The following RIMS1 variants were observed in gnomAD, a reference collection of about 807,000 sequenced individuals.
RIMS1 encodes the protein regulating synaptic membrane exocytosis 1.
A neutral mutation model predicts 214.1 loss-of-function variants in RIMS1; 83 were observed. The ratio of observed to expected loss-of-function variants is 0.39; its 90% confidence interval spans 0.32 to 0.47. The LOEUF (loss-of-function observed/expected upper bound fraction) is 0.47, where lower values mean the gene tolerates loss of function less well. RIMS1 is among the 20% of genes least tolerant of loss of function. The probability of loss-of-function intolerance (pLI) is 0.99; values close to 1 mark genes in which losing one functional copy is unlikely to be tolerated. For synonymous variants in RIMS1, 793 were observed against 786.8 expected (o/e 1.01, Z -0.13); for missense variants, 2,050 against 2,161.8 (o/e 0.95, Z 1.03).
chr6:72,075,723 AAC>A (rs1479403535), intron 2 of RIMS1, among the ~76,000 whole-genome samples: 1 of 152,242 alleles, frequency 6.6e-6, no homozygotes, highest in East Asian at 1.9e-4. Flanking sequence ...GTCTCTAAAT[AAC>A]ACAAAAGTTC....
In RIMS1 at chr6:72,251,063, C is replaced by A. The variant is rs765980473; in HGVS notation, c.2515C>A (p.Gln839Lys). The A allele has an allele frequency of 1.0e-5, 16 of 1,585,972 alleles. No homozygotes were observed. The highest frequency in any genetic ancestry group is 1.2e-5 in the Non-Finnish European group (14 of 1,165,170). ...AACTGTGTGGGACCAACCAAGAGTG[C>A]AAGAAGAAGAAAGTGAATTTCTTGG... ...EITVWDQPRV[Q>K]EEESEFLGEI... Residue 839 changes from glutamine to lysine, a missense_variant, in exon 14 of 34, where the codon CAA (glutamine) becomes AAA (lysine). Around this residue, in one of 6 missense-constraint regions of RIMS1, gnomAD observed 889 missense variants for 885.5 expected, o/e 1.00. Coordinates refer to ENST00000521978, the MANE Select transcript of RIMS1 (RefSeq NM_014989.7).
Position 72,155,988 on chromosome 6 carries a change from G to GA in RIMS1, c.472-23586dup, listed in dbSNP as rs2044390311. 3.5e-5 allele frequency: 9 copies of GA among 257,088 alleles called. 1 individual carries two copies. The highest frequency in any genetic ancestry group is 3.1e-4 in the South Asian group (9 of 29,124). 15.9% of individuals were successfully genotyped at this position (257,088 alleles called of 1,614,324 possible). On this transcript the variant is annotated intron_variant, in intron 4 of 33. Transcript: ENST00000521978. ...GATAACAAGTGTTGGTGAGGATATG[G>GA]AGAAAAAAATAACACTTATACCCTG... is the stretch of plus-strand genomic sequence containing the variant.
rs200375735 is a variant in RIMS1, at chr6:72,194,751, A to T, written c.1678+11602A>T. Among the ~76,000 whole-genome samples the T allele has an allele frequency of 6.6e-5, 10 of 152,294 alleles. No homozygotes were observed. In the East Asian group the frequency reaches 1.9e-3, roughly 29 times the overall value. ...AATACAGTTTAATTCCTTTGAATACACATGCAAAGCACACACACACACTGA... is the reference window on the plus strand; with the variant it reads ...AATACAGTTTAATTCCTTTGAATACTCATGCAAAGCACACACACACACTGA... On this transcript the variant is annotated intron_variant, in intron 6 of 33. Coordinates refer to ENST00000521978, the MANE Select transcript of RIMS1 (RefSeq NM_014989.7).
intron 2 of RIMS1, among the ~76,000 whole-genome samples, chr6:71,983,731 G>A (rs970964527): frequency 5.3e-5 from 8 of 152,116 alleles, no homozygotes; most frequent in Non-Finnish European, 8.8e-5. Context: ...TTTCTGCACA[G>A]ATTTTATGTC....
chr6:71,981,420 A>T (rs1292425195), intron 2 of RIMS1, among the ~76,000 whole-genome samples: 1 of 152,110 alleles, frequency 6.6e-6, no homozygotes, highest in Non-Finnish European at 1.5e-5. Flanking sequence ...CTTCTTGCTC[A>T]ATCTTGGGCT....
intron 22 of RIMS1, among the ~76,000 whole-genome samples, chr6:72,268,170 C>A (rs16882237): frequency 6.6e-6 from 1 of 151,974 alleles, no homozygotes; most frequent in African/African-American, 2.4e-5. Context: ...TTTGTGAACA[C>A]GCCTATGAAG....
intron 29 of RIMS1, among the ~76,000 whole-genome samples, chr6:72,381,094 A>G (rs572522618): frequency 2.0e-5 from 3 of 152,354 alleles, no homozygotes; most frequent in East Asian, 3.9e-4. Context: ...CGAGAGGTCA[A>G]AAGCTCATGA....
intron 1 of RIMS1, among the ~76,000 whole-genome samples, chr6:71,913,692 G>C (rs1039580232): frequency 1.2e-4 from 18 of 151,992 alleles, no homozygotes; most frequent in African/African-American, 4.3e-4. Flanking sequence ...TTAACATATG[G>C]GTTTGTGTCA....
At chr6:71,926,848 TA>T (rs1233152881) in intron 1 of RIMS1, among the ~76,000 whole-genome samples, 1 of 152,164 alleles carries the variant, frequency 6.6e-6, no homozygotes, top group Non-Finnish European at 1.5e-5. Flanking sequence ...AAATACCACC[TA>T]GACCAGCAGA....
At chr6:72,272,786 C>T (rs1236711347) in intron 22 of RIMS1, among the ~76,000 whole-genome samples, 3 of 152,072 alleles carry the variant, frequency 2.0e-5, no homozygotes, top group Non-Finnish European at 4.4e-5. Flanking sequence ...AAAGTTTTAA[C>T]ACAACTGAGT....
At chr6:72,057,081 GT>G (rs1404289898) in intron 2 of RIMS1, among the ~76,000 whole-genome samples, 6 of 152,094 alleles carry the variant, frequency 3.9e-5, no homozygotes, top group Admixed American at 2.6e-4. Context: ...TAATAACTGG[GT>G]GATTAAATAA....
chr6:72,219,388 A>G (rs992408449), intron 6 of RIMS1, among the ~76,000 whole-genome samples: 1 of 152,146 alleles, frequency 6.6e-6, no homozygotes, highest in Non-Finnish European at 1.5e-5. Flanking sequence ...GAAGGGAATC[A>G]TCATAATTAT....
chr6:72,303,459 T>C (rs932104000), intron 26 of RIMS1, among the ~76,000 whole-genome samples: 5 of 151,278 alleles, frequency 3.3e-5, no homozygotes, highest in African/African-American at 1.2e-4. Flanking sequence ...TTATTTTTAA[T>C]ACTAATACTT....
chr6:72,099,223 G>T (rs1315809975), intron 3 of RIMS1, among the ~76,000 whole-genome samples: 1 of 152,204 alleles, frequency 6.6e-6, no homozygotes, highest in Non-Finnish European at 1.5e-5. Context: ...TCTTAAAAAG[G>T]AGAGGGTGTT....
Position 72,024,900 on chromosome 6 carries a change from G to GTTTTTTTTTTTTTTTTTTT in RIMS1, c.245+55842_245+55860dup, listed in dbSNP as rs777214787. Among the ~76,000 whole-genome samples the GTTTTTTTTTTTTTTTTTTT allele has an allele frequency of 3.0e-4, 30 of 98,664 alleles. 1 individual carries two copies. The highest frequency in any genetic ancestry group is 1.1e-3 in the African/African-American group (30 of 26,622). 64.7% of individuals were successfully genotyped at this position (98,664 alleles called of 152,430 possible). ...AACTCAGGATTCTTAAAATCTGTGG[G>GTTTTTTTTTTTTTTTTTTT]TTTTTTTTTTTTTTTTTTTTTTTGA... On this transcript the variant is annotated intron_variant, in intron 2 of 33. Coordinates refer to ENST00000521978, the MANE Select transcript of RIMS1 (RefSeq NM_014989.7).
intron 4 of RIMS1, among the ~76,000 whole-genome samples, chr6:72,171,343 A>C (rs2046996935): frequency 7.9e-6 from 1 of 126,098 alleles, no homozygotes; most frequent in South Asian, 2.6e-4. Context: ...ATAAATATAT[A>C]TTACGTGTGT....
chr6:72,282,093 A>G (rs2090392947), intron 23 of RIMS1, among the ~76,000 whole-genome samples: 1 of 151,996 alleles, frequency 6.6e-6, no homozygotes, highest in South Asian at 2.1e-4. Flanking sequence ...GTCTTCCTGA[A>G]TCTCTCCACT....
intron 15 of RIMS1, among the ~76,000 whole-genome samples, chr6:72,252,226 A>G (rs554074273): frequency 6.6e-6 from 1 of 152,306 alleles, no homozygotes; most frequent in East Asian, 1.9e-4. Context: ...ATAATTAAAT[A>G]TTTCATGTTG....
At chr6:72,052,235 G>C (rs1251886082) in intron 2 of RIMS1, among the ~76,000 whole-genome samples, 1 of 152,130 alleles carries the variant, frequency 6.6e-6, no homozygotes, top group African/African-American at 2.4e-5. Flanking sequence ...AGCTTGCTTG[G>C]TTACCAGTTA....
Sources: allele counts gnomAD v4.1 joint callset (sites outside exome capture counted in the v4.1 genomes callset), GRCh38; gene constraint gnomAD v4.1.1; regional missense constraint gnomAD v4.1.1; transcripts MANE v1.5; gene names NCBI Gene and HGNC (gene_info 2026-07-23, HGNC 2026-07-21).